The following MAGI2 variants were observed in gnomAD, a reference collection of about 807,000 sequenced individuals.
MAGI2 encodes the protein membrane-associated guanylate kinase, WW and PDZ domain-containing protein 2.
A neutral mutation model predicts 133.3 loss-of-function variants in MAGI2; 35 were observed. That is an observed-to-expected ratio of 0.26 (90% confidence interval 0.20 to 0.35). The LOEUF (loss-of-function observed/expected upper bound fraction) is 0.35. MAGI2 is among the 10% of genes least tolerant of loss of function. The pLI, the probability that MAGI2 is intolerant of heterozygous loss-of-function variation, is 1.00. For missense variants in MAGI2, 1,636 were observed against 1,863.4 expected (o/e 0.88, Z 2.25); for synonymous variants, 729 against 710.6 (o/e 1.03, Z -0.41).
intron 1 of MAGI2, among the ~76,000 whole-genome samples, chr7:79,297,740 T>G (rs1025294787): frequency 6.6e-6 from 1 of 152,212 alleles, no homozygotes; most frequent in Non-Finnish European, 1.5e-5. Flanking sequence ...GGGTATTTTT[T>G]AGATAGGTGG....
intron 4 of MAGI2, among the ~76,000 whole-genome samples, chr7:78,503,142 G>GA (rs796190313): frequency 7.3e-5 from 11 of 149,920 alleles, no homozygotes; most frequent in South Asian, 2.1e-4. Flanking sequence ...AGTAACTTGA[G>GA]AAAAAAAAAG....
At chr7:79,168,889 G>GATATAT (rs1182056135) in intron 1 of MAGI2, among the ~76,000 whole-genome samples, 46 of 14,516 alleles carry the variant, frequency 3.2e-3, no homozygotes, top group South Asian at 8.5e-3. Flanking sequence ...TCTAAAGATA[G>GATATAT]ATATATATAT....
intron 6 of MAGI2, among the ~76,000 whole-genome samples, chr7:78,461,393 C>CGTGTGTGTGTGTGTGTGT (rs10654835): frequency 0.018 from 2,511 of 138,034 alleles, 35 homozygotes; most frequent in South Asian, 0.043. Context: ...CGTGTGTGTG[C>CGTGTGTGTGTGTGTGTGT]GTGTGTGTGT....
At chr7:78,827,531 G>T (rs1482339049) in intron 2 of MAGI2, among the ~76,000 whole-genome samples, 1 of 152,138 alleles carries the variant, frequency 6.6e-6, no homozygotes, top group African/African-American at 2.4e-5. Context: ...CCCGCCTTGG[G>T]TTCCTAATGT....
chr7:78,309,718 C>T (rs919927897), intron 9 of MAGI2, among the ~76,000 whole-genome samples: 6 of 152,062 alleles, frequency 3.9e-5, no homozygotes, highest in African/African-American at 1.4e-4. Flanking sequence ...CTTTCAATAG[C>T]ACAATGGAAA....
At chr7:78,372,433 C>A (rs1794014059) in intron 6 of MAGI2, among the ~76,000 whole-genome samples, 1 of 152,152 alleles carries the variant, frequency 6.6e-6, no homozygotes, top group African/African-American at 2.4e-5. Context: ...TTTGTCCAAT[C>A]AGGCAAGCAT....
At chr7:79,087,279 C>A (rs1477592901) in intron 1 of MAGI2, among the ~76,000 whole-genome samples, 1 of 151,810 alleles carries the variant, frequency 6.6e-6, no homozygotes, top group Non-Finnish European at 1.5e-5. Flanking sequence ...GACATCCTTA[C>A]TGATAAAATG....
chr7:78,033,806 G>T (rs1217019521), intron 21 of MAGI2, among the ~76,000 whole-genome samples: 1 of 152,098 alleles, frequency 6.6e-6, no homozygotes, highest in Non-Finnish European at 1.5e-5. Flanking sequence ...GAAGGGGGAG[G>T]GGTGCATGGG....
chr7:78,548,046 C>G (rs555100112), intron 3 of MAGI2, among the ~76,000 whole-genome samples: 3 of 152,112 alleles, frequency 2.0e-5, no homozygotes, highest in Non-Finnish European at 4.4e-5. Flanking sequence ...TCATGGTAAC[C>G]TATCAACTTC....
intron 9 of MAGI2, among the ~76,000 whole-genome samples, chr7:78,341,728 A>T (rs1400245188): frequency 6.6e-6 from 1 of 152,242 alleles, no homozygotes; most frequent in Non-Finnish European, 1.5e-5. Flanking sequence ...CCTATTTAAT[A>T]AATGGTGTTG....
chr7:78,313,372 G>C (rs773823656), intron 9 of MAGI2, among the ~76,000 whole-genome samples: 32 of 151,940 alleles, frequency 2.1e-4, no homozygotes, highest in Non-Finnish European at 3.7e-4. Flanking sequence ...TTTCATCTTG[G>C]AGGAAAAATG....
chr7:79,060,081 A>G (rs1470579069), intron 1 of MAGI2, among the ~76,000 whole-genome samples: 4 of 152,064 alleles, frequency 2.6e-5, no homozygotes, highest in African/African-American at 9.7e-5. Context: ...GAAGAAATCA[A>G]TGGCCTTTTT....
chr7:79,226,144 C>T (rs991347739), intron 1 of MAGI2, among the ~76,000 whole-genome samples: 2 of 152,104 alleles, frequency 1.3e-5, no homozygotes, highest in African/African-American at 2.4e-5. Flanking sequence ...ATTAATTTAA[C>T]ATCTAAATCT....
intron 2 of MAGI2, among the ~76,000 whole-genome samples, chr7:78,760,621 T>C (rs1189975060): frequency 1.3e-5 from 2 of 152,172 alleles, no homozygotes; most frequent in Non-Finnish European, 2.9e-5. Context: ...TAACCTTCCT[T>C]GACAATCTTA....
At chr7:78,878,537 A>G (rs147797846) in intron 2 of MAGI2, among the ~76,000 whole-genome samples, 22 of 152,322 alleles carry the variant, frequency 1.4e-4, no homozygotes, top group African/African-American at 5.1e-4. Flanking sequence ...TAGAGTTTCA[A>G]TGGTAGATAT....
intron 6 of MAGI2, 64 bp downstream of exon 6, chr7:78,489,697 A>AT (rs1793413623): frequency 8.0e-7 from 1 of 1,255,586 alleles, no homozygotes; most frequent in Non-Finnish European, 1.2e-6. Context: ...TGAGACTCTC[A>AT]TTTAAGAAAC....
In MAGI2 at chr7:78,816,616, T is replaced by C. The variant is rs77403970; in HGVS notation, c.419-189377A>G. Among the ~76,000 whole-genome samples the C allele has an allele frequency of 4.5e-3, 684 of 152,312 alleles. 6 individuals are homozygous for C. Among genetic ancestry groups the C allele is most frequent in the African/African-American group, 0.016 (648 of 41,570 alleles). ...AATCCTAGGACCCTTAAAAATTACA[T>C]GACATTTACTCTGCCTATACTCTAA... On this transcript the variant is annotated intron_variant, in intron 2 of 21. Transcript: ENST00000354212.
At chr7:78,922,166 T>G (rs986149609) in intron 2 of MAGI2, among the ~76,000 whole-genome samples, 1 of 150,860 alleles carries the variant, frequency 6.6e-6, no homozygotes, top group South Asian at 2.1e-4. Context: ...ATTTTTTATT[T>G]TTTTTTTTGG....
chr7:79,093,907 G>T (rs1403686355), intron 1 of MAGI2, among the ~76,000 whole-genome samples: 1 of 151,766 alleles, frequency 6.6e-6, no homozygotes, highest in Non-Finnish European at 1.5e-5. Context: ...TAGAGACGAG[G>T]TTTCACCAAG....
Sources: gnomAD v4.1 joint callset for allele counts (sites outside exome capture counted in the v4.1 genomes callset) on GRCh38, gnomAD v4.1.1 for gene constraint, MANE v1.5 for transcripts, NCBI Gene and HGNC (gene_info 2026-07-23, HGNC 2026-07-21) for gene names.